Variants in MPP7 observed in about 807,000 individuals in gnomAD.
MPP7 encodes MAGUK p55 subfamily member 7.
MPP7 carries 60 observed loss-of-function variants against 76.5 expected under a neutral mutation model. That is an observed-to-expected ratio of 0.78 (90% CI 0.64 to 0.97). The LOEUF (loss-of-function observed/expected upper bound fraction) is 0.97. MPP7 is among the 50% of genes least tolerant of loss of function. The probability of loss-of-function intolerance (pLI) is 0.00; values close to 1 mark genes in which losing one functional copy is unlikely to be tolerated. For missense variants in MPP7, 641 were observed against 694.0 expected, an observed-to-expected ratio of 0.92 and a Z score of 0.86; for synonymous variants, 237 against 244.5, an observed-to-expected ratio of 0.97 and a Z score of 0.29.
intron 1 of MPP7, among the ~76,000 whole-genome samples, chr10:28,243,399 ATTT>A (rs35662382): frequency 2.1e-5 from 3 of 145,964 alleles, no homozygotes; most frequent in African/African-American, 5.0e-5. Flanking sequence ...AACAAATGTG[ATTT>A]TTTTTTTTTT....
At chr10:28,221,996 TA>T (rs1171766587) in intron 2 of MPP7, among the ~76,000 whole-genome samples, 1 of 152,146 alleles carries the variant, frequency 6.6e-6, no homozygotes, top group Non-Finnish European at 1.5e-5. Context: ...TATCCATCCC[TA>T]AAGTTCTCTT....
At chr10:28,152,439 C>T (rs1349558312) in intron 3 of MPP7, among the ~76,000 whole-genome samples, 8 of 152,116 alleles carry the variant, frequency 5.3e-5, no homozygotes, top group Admixed American at 3.3e-4. Flanking sequence ...CTTTTTATTA[C>T]TATTTATGAT....
At chr10:28,170,346 T>C (rs1836638803) in intron 3 of MPP7, among the ~76,000 whole-genome samples, 1 of 151,748 alleles carries the variant, frequency 6.6e-6, no homozygotes, top group African/African-American at 2.4e-5. Context: ...TTTTAATTTT[T>C]TTATATAAAG....
intron 1 of MPP7, among the ~76,000 whole-genome samples, chr10:28,271,288 A>G (rs1252360402): frequency 6.6e-6 from 1 of 152,228 alleles, no homozygotes; most frequent in Non-Finnish European, 1.5e-5. Flanking sequence ...CTTGAGAAGA[A>G]AAAACATTAA....
chr10:28,082,989 A>T (rs1406699109), intron 12 of MPP7, among the ~76,000 whole-genome samples: 1 of 152,162 alleles, frequency 6.6e-6, no homozygotes, highest in African/African-American at 2.4e-5. Context: ...CAAACCTAGA[A>T]AGTAGGTGTT....
At chr10:28,229,078 A>C (rs1838792129) in intron 2 of MPP7, among the ~76,000 whole-genome samples, 1 of 152,240 alleles carries the variant, frequency 6.6e-6, no homozygotes, top group East Asian at 1.9e-4. Flanking sequence ...AAAGATTAAC[A>C]GCTGAAATTT....
chr10:28,072,508 A>G (rs1033704052), intron 12 of MPP7, among the ~76,000 whole-genome samples: 4 of 152,206 alleles, frequency 2.6e-5, no homozygotes, highest in African/African-American at 9.6e-5. Flanking sequence ...TTCCCTAACA[A>G]TGTCCATAAT....
intron 11 of MPP7, among the ~76,000 whole-genome samples, chr10:28,110,715 T>C (rs934713003): frequency 6.6e-6 from 1 of 152,182 alleles, no homozygotes; most frequent in African/African-American, 2.4e-5. Context: ...GGGTACTTAA[T>C]ATTTTAGGCC....
At chr10:28,265,661 TCA>T (rs972100292) in intron 1 of MPP7, among the ~76,000 whole-genome samples, 11 of 152,202 alleles carry the variant, frequency 7.2e-5, no homozygotes, top group African/African-American at 2.7e-4. Flanking sequence ...TATAAATTAT[TCA>T]GTGTTGATAA....
chr10:28,296,421 C>T (rs1464391775), intron 1 of MPP7, among the ~76,000 whole-genome samples: 1 of 152,228 alleles, frequency 6.6e-6, no homozygotes, highest in African/African-American at 2.4e-5. Context: ...ACACACACCC[C>T]AACCACTGAA....
chr10:28,100,177 T>A (rs1239458359), intron 11 of MPP7, among the ~76,000 whole-genome samples: 1 of 150,950 alleles, frequency 6.6e-6, no homozygotes. Context: ...GAAATTATTA[T>A]ATGATATTAG....
At chr10:28,122,298 A>C (rs1046515376) in intron 8 of MPP7, among the ~76,000 whole-genome samples, 1 of 152,186 alleles carries the variant, frequency 6.6e-6, no homozygotes, top group Non-Finnish European at 1.5e-5. Context: ...ATATAGGTCT[A>C]TCTCTCGTGA....
intron 1 of MPP7, among the ~76,000 whole-genome samples, chr10:28,297,932 ACTTT>A (rs1480265596): frequency 1.3e-5 from 2 of 152,220 alleles, no homozygotes; most frequent in Non-Finnish European, 2.9e-5. Flanking sequence ...TCAAGAAGCC[ACTTT>A]CTTTGCTCAT....
chr10:28,146,372 T>G (rs1467210641), intron 5 of MPP7, among the ~76,000 whole-genome samples: 1 of 151,822 alleles, frequency 6.6e-6, no homozygotes, highest in Admixed American at 6.6e-5. Context: ...GATTAGGGTT[T>G]ATAGTCCACG....
rs139609857 is a variant in MPP7 at position 28,168,106 on chromosome 10, G to A, written c.157-18047C>T. Among the ~76,000 whole-genome samples, 1,391 of 152,180 alleles carry A rather than the reference G, an allele frequency of 9.1e-3. 8 individuals carry two copies. The highest frequency in any genetic ancestry group is 0.024 in the Middle Eastern group (7 of 294). On this transcript the variant is annotated intron_variant, in intron 3 of 16. Coordinates refer to ENST00000683449, the MANE Select transcript of MPP7 (RefSeq NM_001318170.2). ...ACAAAATTTAGTCGGGCATGGTGGCGCATGCTTGTAGTCCTAGCTACTCCG... is the reference window on the plus strand; with the variant it reads ...ACAAAATTTAGTCGGGCATGGTGGCACATGCTTGTAGTCCTAGCTACTCCG...
At chr10:28,275,792 C>G (rs1840476255) in intron 1 of MPP7, among the ~76,000 whole-genome samples, 1 of 151,940 alleles carries the variant, frequency 6.6e-6, no homozygotes, top group Non-Finnish European at 1.5e-5. Flanking sequence ...TCTCAAACAC[C>G]TGAACAACCT....
At chr10:28,060,541 G>A (rs1588709696) in intron 13 of MPP7, among the ~76,000 whole-genome samples, 1 of 152,200 alleles carries the variant, frequency 6.6e-6, no homozygotes, top group African/African-American at 2.4e-5. Context: ...GAGTCAAACT[G>A]CACGGGGAGG....
chr10:28,267,193 T>G (rs577661032), intron 1 of MPP7, among the ~76,000 whole-genome samples: 19 of 152,230 alleles, frequency 1.2e-4, no homozygotes, highest in Non-Finnish European at 2.5e-4. Flanking sequence ...GTGGAATATT[T>G]GAAGCAGAGA....
chr10:28,142,482 G>C (rs550491649), intron 5 of MPP7, among the ~76,000 whole-genome samples: 18 of 152,170 alleles, frequency 1.2e-4, no homozygotes, highest in Non-Finnish European at 2.2e-4. Context: ...TGTAATCCTA[G>C]CACTTTGGGA....
Sources: allele counts gnomAD v4.1 joint callset (sites outside exome capture counted in the v4.1 genomes callset), GRCh38; gene constraint gnomAD v4.1.1; transcripts MANE v1.5; gene names NCBI Gene and HGNC (gene_info 2026-07-23, HGNC 2026-07-21).